ABCC4: variants seen among roughly 807,000 people sequenced by gnomAD.
The protein encoded by ABCC4 is ATP-binding cassette sub-family C member 4.
In ABCC4, 102 loss-of-function variants were observed where a neutral mutation model predicts 168.5. The ratio of observed to expected loss-of-function variants is 0.61; its 90% CI spans 0.52 to 0.71. ABCC4 has a LOEUF of 0.71. ABCC4 is among the 30% of genes least tolerant of loss of function. The probability of loss-of-function intolerance (pLI) is 0.00; values close to 1 mark genes in which losing one functional copy is unlikely to be tolerated. For synonymous variants in ABCC4, 617 were observed against 590.7 expected, an observed-to-expected ratio of 1.04 and a Z score of -0.65; for missense variants, 1,402 against 1,605.8, an observed-to-expected ratio of 0.87 and a Z score of 2.17.
At chr13:95,064,245 GGTGTGTGTGT>G (rs530317662) in intron 25 of ABCC4, among the ~76,000 whole-genome samples, 1 of 42,874 alleles carries the variant, frequency 2.3e-5, no homozygotes, top group Non-Finnish European at 4.4e-5. Flanking sequence ...GGTACATCCG[GGTGTGTGTGT>G]GTGTGTATAT....
At chr13:95,035,719 G>A (rs941951751) in intron 29 of ABCC4, among the ~76,000 whole-genome samples, 2 of 152,150 alleles carry the variant, frequency 1.3e-5, no homozygotes, top group Non-Finnish European at 2.9e-5. Context: ...TTTGGTTAAT[G>A]GTTTCAGAGG....
At chr13:95,271,423 G>A (rs1419093840) in intron 1 of ABCC4, among the ~76,000 whole-genome samples, 1 of 152,132 alleles carries the variant, frequency 6.6e-6, no homozygotes, top group Non-Finnish European at 1.5e-5. Flanking sequence ...CTGGCCTTTG[G>A]TTCGCAGAGG....
chr13:95,044,139 T>C (rs1296510888), intron 28 of ABCC4, 127 bp downstream of exon 28: 4 of 997,888 alleles, frequency 4.0e-6, no homozygotes, highest in African/African-American at 3.3e-5. Context: ...AGAATGAATT[T>C]ATCCATGTTA....
chr13:95,163,485 C>T, intron 17 of ABCC4, 125 bp downstream of exon 17: 1 of 943,426 alleles, frequency 1.1e-6, no homozygotes, highest in Non-Finnish European at 1.6e-6. Flanking sequence ...TCTAATTTTT[C>T]TTCGGGTAAA....
intron 4 of ABCC4, among the ~76,000 whole-genome samples, chr13:95,216,436 T>C (rs1312265705): frequency 6.6e-6 from 1 of 152,124 alleles, no homozygotes; most frequent in Non-Finnish European, 1.5e-5. Context: ...AAAATAGTTC[T>C]ACCATGAGAA....
At chr13:95,227,156 G>A (rs4773854) in intron 4 of ABCC4, among the ~76,000 whole-genome samples, 116,388 of 152,128 alleles carry the variant, frequency 0.77, 45,001 homozygotes, top group Non-Finnish European at 0.84. Flanking sequence ...ATGATGGGAC[G>A]CATCTGACAC....
Position 95,044,247 on chromosome 13 carries a change from A to G in ABCC4, c.3629+19T>C, listed in dbSNP as rs2032482090. Reference sequence around the variant, plus strand: ...ACTTAAAATGTGGACTCAAGGTTACATGGACCTCAGCTTTATACCTTGGAT... The same window carrying G: ...ACTTAAAATGTGGACTCAAGGTTACGTGGACCTCAGCTTTATACCTTGGAT... On this transcript the variant is annotated intron_variant, in intron 28 of 30. Transcript: ENST00000645237. 6.3e-7 allele frequency: 1 copy of G among 1,589,004 alleles called. No homozygotes were observed. Among genetic ancestry groups the G allele is most frequent in the Non-Finnish European group, 8.6e-7 (1 of 1,167,748 alleles).
At chr13:95,209,351 GTT>G (rs1209072197) in intron 6 of ABCC4, 81 bp downstream of exon 6, 1 of 1,468,928 alleles carries the variant, frequency 6.8e-7, no homozygotes, top group African/African-American at 1.4e-5. Context: ...AAGGCATTTA[GTT>G]TGTTTCTGAA....
intron 29 of ABCC4, among the ~76,000 whole-genome samples, chr13:95,040,031 C>T (rs1218714573): frequency 6.6e-6 from 1 of 152,082 alleles, no homozygotes; most frequent in Non-Finnish European, 1.5e-5. Flanking sequence ...AGATTGGTTC[C>T]CTCACTGGTA....
At chr13:95,204,596 G>C (rs889318129) in intron 8 of ABCC4, among the ~76,000 whole-genome samples, 3 of 152,088 alleles carry the variant, frequency 2.0e-5, no homozygotes, top group African/African-American at 7.2e-5. Flanking sequence ...GTTTCCTGAG[G>C]TCTCCCCAAC....
chr13:95,097,736 T>C (rs2034655843), intron 20 of ABCC4, among the ~76,000 whole-genome samples: 2 of 148,068 alleles, frequency 1.4e-5, no homozygotes, highest in Non-Finnish European at 3.0e-5. Context: ...CAAGGCTAAT[T>C]AGAAATCAGT....
chr13:95,057,344 A>G (rs2033101685), intron 26 of ABCC4, among the ~76,000 whole-genome samples: 1 of 151,886 alleles, frequency 6.6e-6, no homozygotes, highest in South Asian at 2.1e-4. Context: ...GGTTCAAGCA[A>G]TTCTCCTGCT....
chr13:95,126,662 T>G (rs1391541816), intron 19 of ABCC4, among the ~76,000 whole-genome samples: 1 of 145,688 alleles, frequency 6.9e-6, no homozygotes, highest in Non-Finnish European at 1.5e-5. Context: ...CGCCAACAGG[T>G]GTTACACCAA....
chr13:95,218,225 A>G (rs2039178779), intron 4 of ABCC4, among the ~76,000 whole-genome samples: 1 of 152,156 alleles, frequency 6.6e-6, no homozygotes, highest in Non-Finnish European at 1.5e-5. Flanking sequence ...AATTGCCTGT[A>G]TTTTTCCAAT....
chr13:95,298,917 G>A (rs551048896), intron 1 of ABCC4, among the ~76,000 whole-genome samples: 1 of 152,080 alleles, frequency 6.6e-6, no homozygotes, highest in Non-Finnish European at 1.5e-5. Flanking sequence ...CAATGGGAGC[G>A]CATCACTTCC....
intron 25 of ABCC4, among the ~76,000 whole-genome samples, chr13:95,064,258 GTGTATATATATATATATATATA>G (rs945838311): frequency 3.3e-4 from 3 of 8,990 alleles, no homozygotes; most frequent in African/African-American, 2.3e-3. Context: ...GTGTGTGTGT[GTGTATATATATATATATATATA>G]TATATATATA....
At position 95,250,565 on chromosome 13, in the gene ABCC4, C is replaced by T. The variant is rs115825111; in HGVS notation, c.75-2812G>A. Among the ~76,000 whole-genome samples the T allele has an allele frequency of 7.5e-3, 1,142 of 152,182 alleles. 15 individuals carry two copies. Among genetic ancestry groups the T allele is most frequent in the African/African-American group, 0.026 (1,075 of 41,516 alleles). On this transcript the variant is annotated intron_variant, in intron 1 of 30. Transcript: ENST00000645237. ...GCATAGTCGTGCTCAATGCCCAACACAGGAAGCCATCAGCTTCAGCAATAC... is the reference window on the plus strand; with the variant it reads ...GCATAGTCGTGCTCAATGCCCAACATAGGAAGCCATCAGCTTCAGCAATAC...
At chr13:95,031,852 A>G (rs1007266632) in intron 30 of ABCC4, among the ~76,000 whole-genome samples, 3 of 152,220 alleles carry the variant, frequency 2.0e-5, no homozygotes, top group Non-Finnish European at 2.9e-5. Context: ...CTAAAATTCT[A>G]TGACCTATTT....
At chr13:95,200,401 A>G (rs1464312267) in intron 8 of ABCC4, among the ~76,000 whole-genome samples, 3 of 152,130 alleles carry the variant, frequency 2.0e-5, no homozygotes, top group Admixed American at 2.0e-4. Flanking sequence ...AAGACAGCAT[A>G]TTTTCAGGGA....
Sources: gnomAD v4.1 joint callset for allele counts (sites outside exome capture counted in the v4.1 genomes callset) on GRCh38, gnomAD v4.1.1 for gene constraint, MANE v1.5 for transcripts, NCBI Gene and HGNC (gene_info 2026-07-23, HGNC 2026-07-21) for gene names.